Variants in SYNPO2 observed in about 807,000 individuals in gnomAD.
SYNPO2 encodes the protein synaptopodin 2.
In SYNPO2, 56 loss-of-function variants were observed where a neutral mutation model predicts 85.0. The observed-to-expected ratio is 0.66, with a 90% CI of 0.53 to 0.82. The LOEUF is 0.82. Ranked by LOEUF, SYNPO2 falls within the 40% of genes least tolerant of loss-of-function variation. SYNPO2 has a pLI of 0.00. For synonymous variants in SYNPO2, 602 were observed against 591.1 expected, an observed-to-expected ratio of 1.02 and a Z score of -0.27; for missense variants, 1,575 against 1,534.2, an observed-to-expected ratio of 1.03 and a Z score of -0.44.
intron 4 of SYNPO2, chr4:119,033,787 T>C (rs2125574): frequency 0.85 from 835,805 of 984,186 alleles, 356,002 homozygotes; most frequent in Admixed American, 0.87. Flanking sequence ...TATTCTGATC[T>C]AAATAATTTC....
At chr4:119,008,388 A>G (rs1737160417) in intron 1 of SYNPO2, among the ~76,000 whole-genome samples, 1 of 152,028 alleles carries the variant, frequency 6.6e-6, no homozygotes, top group Non-Finnish European at 1.5e-5. Flanking sequence ...AACTGAGGTG[A>G]AATGAGCAGT....
intron 4 of SYNPO2, among the ~76,000 whole-genome samples, chr4:119,046,075 A>G (rs540452178): frequency 8.5e-5 from 13 of 152,330 alleles, no homozygotes; most frequent in Admixed American, 8.5e-4. Context: ...CCTAATTTAC[A>G]TGCCTCACTT....
intron 1 of SYNPO2, among the ~76,000 whole-genome samples, chr4:118,949,009 T>C (rs932425228): frequency 6.6e-6 from 1 of 152,100 alleles, no homozygotes; most frequent in Non-Finnish European, 1.5e-5. Context: ...TGCAGACAAA[T>C]AAAAATCTCT....
chr4:118,909,554 A>G (rs146679275), intron 1 of SYNPO2, among the ~76,000 whole-genome samples: 82 of 152,372 alleles, frequency 5.4e-4, no homozygotes, highest in African/African-American at 1.9e-3. Context: ...TGTGGGACAC[A>G]GCACTGTGGA....
At position 119,031,257 on chromosome 4, in the gene SYNPO2, T is replaced by C. The variant is rs1561006583; in HGVS notation, c.2482T>C (p.Phe828Leu). The part of the protein sequence containing the change: ...PASTLNVAGP[F>L]KGPQAAVASQ... ...AAGTACTTTGAACGTGGCTGGTCCC[T>C]TCAAAGGACCACAAGCAGCAGTAGC... Residue 828 changes from phenylalanine (F) to leucine (L), a missense_variant, in exon 4 of 5, where the codon TTC becomes CTC. Around this residue, in one of 3 missense-constraint regions of SYNPO2, gnomAD observed 1,508 missense variants for 1,446.8 expected, o/e 1.04. Coordinates refer to ENST00000307142, the MANE Select transcript of SYNPO2 (RefSeq NM_133477.3). 1 of 1,614,086 alleles carries C rather than the reference T, an allele frequency of 6.2e-7. No individual in the cohort carries two copies. Among genetic ancestry groups the C allele is most frequent in the Non-Finnish European group, 8.5e-7 (1 of 1,180,000 alleles).
chr4:118,904,484 G>A lies in SYNPO2; in HGVS notation c.105+15343G>A, dbSNP rs941904031. On this transcript the variant is annotated intron_variant, in intron 1 of 4. Coordinates refer to ENST00000307142, the MANE Select transcript of SYNPO2 (RefSeq NM_133477.3). ...AACAGCATATGGAAATCATCACGAA[G>A]AGAAGAAATCATTTCAAGCACTTTG... Among the ~76,000 whole-genome samples the A allele has an allele frequency of 5.9e-5, 9 of 152,230 alleles. 1 individual carries two copies. The highest frequency in any genetic ancestry group is 6.5e-5 in the Admixed American group (1 of 15,284).
chr4:119,030,346 C>A lies in SYNPO2; in HGVS notation c.1571C>A (p.Ala524Asp), dbSNP rs1161158613. 1.9e-6 allele frequency: 3 copies of A among 1,614,096 alleles called. No individual in the cohort carries two copies. Among genetic ancestry groups the A allele is most frequent in the South Asian group, 2.2e-5 (2 of 91,074 alleles). Residue 524 changes from alanine to aspartate, a missense_variant, in exon 4 of 5, where the codon GCT becomes GAT. By Grantham distance (126) the Ala-to-Asp change is moderately radical. Around this residue, in one of 3 missense-constraint regions of SYNPO2, gnomAD observed 1,508 missense variants for 1,446.8 expected, o/e 1.04. Coordinates refer to ENST00000307142, the MANE Select transcript of SYNPO2 (RefSeq NM_133477.3). ...GGAACGCCAAGCAGAGAACAAGATGCTGCCCAGACCGATGGCCTGAGAACC... is the reference window on the plus strand; with the variant it reads ...GGAACGCCAAGCAGAGAACAAGATGATGCCCAGACCGATGGCCTGAGAACC... ...VGGTPSREQD[A>D]AQTDGLRTTT... is the part of the protein sequence containing the mutation.
chr4:119,033,053 T>C (rs1738351068), intron 4 of SYNPO2: 2 of 982,330 alleles, frequency 2.0e-6, no homozygotes, highest in Non-Finnish European at 1.2e-6. Flanking sequence ...CGAAGTAACA[T>C]GTAAAAGGCA....
At chr4:119,020,429 C>G (rs543164487) in intron 1 of SYNPO2, among the ~76,000 whole-genome samples, 2 of 152,266 alleles carry the variant, frequency 1.3e-5, no homozygotes, top group South Asian at 4.2e-4. Context: ...TGCACTTTTC[C>G]TATCATGCAA....
intron 1 of SYNPO2, among the ~76,000 whole-genome samples, chr4:118,890,370 G>A (rs1240738507): frequency 6.6e-6 from 1 of 152,110 alleles, no homozygotes; most frequent in East Asian, 1.9e-4. Flanking sequence ...GAGGTCTGCA[G>A]TTCAACCCAT....
intron 1 of SYNPO2, among the ~76,000 whole-genome samples, chr4:118,958,053 T>C (rs1040758090): frequency 1.3e-5 from 2 of 152,206 alleles, no homozygotes; most frequent in Non-Finnish European, 1.5e-5. Flanking sequence ...ACTTTTGACT[T>C]TTGGCAAGTT....
chr4:119,058,911 G>A lies in SYNPO2; in HGVS notation c.*977G>A, dbSNP rs942551717. The A allele has an allele frequency of 2.6e-5, 4 of 152,194 alleles. No individual in the cohort carries two copies. The highest frequency in any genetic ancestry group is 9.7e-5 in the African/African-American group (4 of 41,444). 9.4% of individuals were successfully genotyped at this position (152,194 alleles called of 1,614,324 possible). ...TTTGGAAGGACTTTTGAGGAATGAT[G>A]TGATGTGTAGAGAATAGAAAGATTT... is the stretch of plus-strand genomic sequence containing the variant. On this transcript the variant is annotated 3_prime_UTR_variant, in exon 5 of 5. Transcript: ENST00000307142.
intron 1 of SYNPO2, among the ~76,000 whole-genome samples, chr4:119,005,194 G>T (rs908588317): frequency 6.6e-6 from 1 of 152,108 alleles, no homozygotes; most frequent in East Asian, 1.9e-4. Flanking sequence ...TCACTCTGTT[G>T]GTAGTTTCTT....
At chr4:118,949,689 C>T (rs1734632168) in intron 1 of SYNPO2, among the ~76,000 whole-genome samples, 1 of 151,918 alleles carries the variant, frequency 6.6e-6, no homozygotes, top group South Asian at 2.1e-4. Context: ...GTGGAGGTTG[C>T]AGTGAGCCCA....
intron 1 of SYNPO2, among the ~76,000 whole-genome samples, chr4:118,876,079 T>C (rs1254637863): frequency 6.6e-6 from 1 of 152,192 alleles, no homozygotes; most frequent in Non-Finnish European, 1.5e-5. Context: ...TTGGCAGATT[T>C]TACAAAGGCA....
intron 1 of SYNPO2, among the ~76,000 whole-genome samples, chr4:119,011,550 C>T (rs1737302602): frequency 6.6e-6 from 1 of 152,060 alleles, no homozygotes; most frequent in Non-Finnish European, 1.5e-5. Flanking sequence ...CCTGGGAATT[C>T]TCTATGTATT....
intron 1 of SYNPO2, among the ~76,000 whole-genome samples, chr4:119,020,720 C>T (rs1213849183): frequency 2.0e-5 from 3 of 152,076 alleles, no homozygotes; most frequent in Non-Finnish European, 4.4e-5. Context: ...CAAAAGTATC[C>T]TGTATTACCT....
At chr4:119,040,705 C>T (rs951001263) in intron 4 of SYNPO2, among the ~76,000 whole-genome samples, 1 of 152,134 alleles carries the variant, frequency 6.6e-6, no homozygotes, top group Non-Finnish European at 1.5e-5. Context: ...AGTTGGTATC[C>T]TGAGTAACCT....
rs1203080693 is a variant in SYNPO2, at chr4:119,031,709, T to C, written c.2934T>C (p.Thr978=). 4 of 1,614,114 alleles carry C rather than the reference T, an allele frequency of 2.5e-6. No individual in the cohort carries two copies. The highest frequency in any genetic ancestry group is 3.3e-5 in the Admixed American group (2 of 60,006). The stretch of plus-strand genomic sequence containing the variant: ...ATCAGCTCAATGCATCCTTGTTTAC[T>C]TTCCAACCTCCAGATGCAAAGGATG... The part of the protein sequence containing the change: ...QPYQLNASLF[T]FQPPDAKDGL... The change falls in exon 4 of 5, where the codon ACT becomes ACC. Residue 978 remains threonine, a synonymous_variant. Transcript: ENST00000307142.
Sources: gnomAD v4.1 joint callset for allele counts (sites outside exome capture counted in the v4.1 genomes callset) on GRCh38, gnomAD v4.1.1 for gene constraint, gnomAD v4.1.1 regional missense constraint, MANE v1.5 for transcripts, NCBI Gene and HGNC (gene_info 2026-07-23, HGNC 2026-07-21) for gene names.